Variants in LRCH3 observed in about 807,000 individuals in gnomAD.
The protein encoded by LRCH3 is DISP complex protein LRCH3.
Under a neutral mutation model 104.5 loss-of-function variants are expected in LRCH3, and 68 were observed. That is an observed-to-expected ratio of 0.65 (90% CI 0.54 to 0.80). The LOEUF (loss-of-function observed/expected upper bound fraction) is 0.80. LRCH3 is among the 30% of genes least tolerant of loss of function. The pLI is 0.00. For synonymous variants in LRCH3, 344 were observed against 361.3 expected, an observed-to-expected ratio of 0.95 and a Z score of 0.54; for missense variants, 951 against 953.9, an observed-to-expected ratio of 1.00 and a Z score of 0.04.
Position 197,883,419 on chromosome 3 carries a change from C to CTAA in LRCH3, c.2209-120_2209-118dup. The stretch of plus-strand genomic sequence containing the variant: ...TACACTGAGGTCAGTTTCCCAGGTA[C>CTAA]TAATTTTCATATCTAAGTTGATGAT... On this transcript the variant is annotated intron_variant, in intron 20 of 20. Transcript: ENST00000425562. The surrounding 1 kb of genome is among the most constrained non-coding windows in gnomAD (Gnocchi z 4.2). 7.1e-7 allele frequency: 1 copy of CTAA among 1,404,446 alleles called. No homozygotes were observed. The highest frequency in any genetic ancestry group is 9.3e-7 in the Non-Finnish European group (1 of 1,070,848). 87.0% of individuals were successfully genotyped at this position (1,404,446 alleles called of 1,614,324 possible).
Position 197,791,345 on chromosome 3 carries a change from G to A in LRCH3, c.67G>A (p.Gly23Ser), listed in dbSNP as rs746914318. The change falls in exon 1 of 21, where the codon GGT becomes AGT. Residue 23 changes from glycine to serine, a missense_variant. Coordinates refer to ENST00000425562, the MANE Select transcript of LRCH3 (RefSeq NM_001365715.1). ...AEYSGTVASG[G>S]NLPGVHCGPS... ...GTACTCTGGCACGGTAGCGTCGGGAGGTAACCTCCCTGGTGTTCACTGCGG... is the reference window on the plus strand; with the variant it reads ...GTACTCTGGCACGGTAGCGTCGGGAAGTAACCTCCCTGGTGTTCACTGCGG... 20 of 1,608,068 alleles carry A rather than the reference G, an allele frequency of 1.2e-5. No individual in the cohort carries two copies. The East Asian group carries it at 3.8e-4, about 31-fold the overall frequency.
chr3:197,850,486 C>A, intron 12 of LRCH3: 2 of 1,591,050 alleles, frequency 1.3e-6, no homozygotes, highest in Non-Finnish European at 1.7e-6. Context: ...GGTTTAGGAA[C>A]AATCTGTTCC....
intron 10 of LRCH3, 81 bp downstream of exon 10, chr3:197,839,478 T>C: frequency 1.3e-6 from 1 of 789,710 alleles, no homozygotes. Context: ...TGCAGATCTG[T>C]GTGTAATAAA....
At position 197,842,977 on chromosome 3, in the gene LRCH3, T is replaced by G. The variant is rs552400428; in HGVS notation, c.1328+3580T>G. Among the ~76,000 whole-genome samples the G allele has an allele frequency of 2.0e-5, 3 of 151,544 alleles. No homozygotes were observed. In the South Asian group the frequency reaches 6.3e-4, roughly 32 times the overall value. ...GCTTGCACCTATAGTCCTAGCTACT[T>G]GGGAGGCTGCGGCAGGAGAATCGCT... is the stretch of plus-strand genomic sequence containing the variant. On this transcript the variant is annotated intron_variant, in intron 10 of 20. Coordinates refer to ENST00000425562, the MANE Select transcript of LRCH3 (RefSeq NM_001365715.1).
At chr3:197,855,820 A>C (rs1423926580) in intron 14 of LRCH3, among the ~76,000 whole-genome samples, 1 of 152,240 alleles carries the variant, frequency 6.6e-6, no homozygotes, top group Non-Finnish European at 1.5e-5. Flanking sequence ...CTGATCCTCC[A>C]AATTAGACGG....
At chr3:197,832,157 C>T in intron 7 of LRCH3, 40 bp from the exon 8 acceptor site, 4 of 1,589,552 alleles carry the variant, frequency 2.5e-6, no homozygotes, top group Non-Finnish European at 3.4e-6. Context: ...CTGCCAGGCT[C>T]TAAAATGATT....
rs923752800 is a variant in LRCH3 at position 197,871,188 on chromosome 3, A to G, written c.1993-137A>G. 5.9e-6 allele frequency: 4 copies of G among 675,588 alleles called. No individual in the cohort carries two copies. In the African/African-American group the frequency reaches 7.2e-5, roughly 12 times the overall value. 41.8% of individuals were successfully genotyped at this position (675,588 alleles called of 1,614,324 possible). ...TAGATCTCCTTAAGTTAAACTTAGG[A>G]TAGAGGGATAAAATGGATATTGTGG... On this transcript the variant is annotated intron_variant, in intron 18 of 20. Coordinates refer to ENST00000425562, the MANE Select transcript of LRCH3 (RefSeq NM_001365715.1).
At chr3:197,838,033 C>G (rs1024703856) in intron 9 of LRCH3, among the ~76,000 whole-genome samples, 4 of 151,710 alleles carry the variant, frequency 2.6e-5, no homozygotes, top group African/African-American at 7.3e-5. Flanking sequence ...GCACTCCAGC[C>G]TAGGTGACAG....
At chr3:197,851,491 T>C (rs1343881955) in intron 12 of LRCH3, among the ~76,000 whole-genome samples, 1 of 152,194 alleles carries the variant, frequency 6.6e-6, no homozygotes, top group Non-Finnish European at 1.5e-5. Flanking sequence ...CCAGATGGTT[T>C]CTAAAGGTCC....
intron 1 of LRCH3, among the ~76,000 whole-genome samples, chr3:197,792,600 T>TATATAAAA (rs1730708507): frequency 1.3e-5 from 1 of 79,486 alleles, no homozygotes; most frequent in Non-Finnish European, 2.5e-5. Context: ...TATATATATA[T>TATATAAAA]ATATAAAATA....
intron 4 of LRCH3, among the ~76,000 whole-genome samples, chr3:197,823,723 A>G (rs1429889961): frequency 2.6e-5 from 4 of 151,938 alleles, no homozygotes; most frequent in East Asian, 3.9e-4. Flanking sequence ...GACTCAAGCA[A>G]TCCACCCACC....
rs933968438 is a variant in LRCH3 at position 197,887,055 on chromosome 3, G to A, written c.*3389G>A. 2.6e-5 allele frequency: 4 copies of A among 152,058 alleles called. No individual in the cohort carries two copies. The highest frequency in any genetic ancestry group is 9.7e-5 in the African/African-American group (4 of 41,392). 9.4% of individuals were successfully genotyped at this position (152,058 alleles called of 1,614,324 possible). A position where few individuals can be genotyped will look rare whatever the true frequency, so the allele number is the denominator to read the frequency against. Reference sequence around the variant, plus strand: ...TGTGCAGTTTTGGCTGATAATTGAAGGAAAAATATCAAATGCTTTGAATTT... The same window carrying A: ...TGTGCAGTTTTGGCTGATAATTGAAAGAAAAATATCAAATGCTTTGAATTT... On this transcript the variant is annotated 3_prime_UTR_variant, in exon 21 of 21. Coordinates refer to ENST00000425562, the MANE Select transcript of LRCH3 (RefSeq NM_001365715.1).
At chr3:197,837,921 G>A (rs1381302424) in intron 9 of LRCH3, among the ~76,000 whole-genome samples, 2 of 151,926 alleles carry the variant, frequency 1.3e-5, no homozygotes, top group Non-Finnish European at 1.5e-5. Context: ...TTAGCTGGGT[G>A]TCATGGCAGG....
intron 20 of LRCH3, chr3:197,880,851 CCTTT>C (rs1486802097): frequency 6.9e-7 from 1 of 1,455,236 alleles, no homozygotes; most frequent in Non-Finnish European, 9.0e-7. Flanking sequence ...GGAGGTAAAT[CCTTT>C]CTTTATATTT....
Position 197,865,434 on chromosome 3 carries a change from A to G in LRCH3, c.1728A>G (p.Arg576=), listed in dbSNP as rs1400995278. The change falls in exon 16 of 21, where the codon AGA becomes AGG. Residue 576 remains arginine, a synonymous_variant. Coordinates refer to ENST00000425562, the MANE Select transcript of LRCH3 (RefSeq NM_001365715.1). Reference sequence around the variant, plus strand: ...CTGTTTCTCCACAGAGTGATGACAGACCTAATGCTCTATTAAGTTCACCTG... The same window carrying G: ...CTGTTTCTCCACAGAGTGATGACAGGCCTAATGCTCTATTAAGTTCACCTG... The part of the protein sequence containing the change: ...SAFTPLKSDD[R]PNALLSSPAT... The G allele has an allele frequency of 8.9e-6, 14 of 1,572,644 alleles. No homozygotes were observed. The highest frequency in any genetic ancestry group is 2.8e-5 in the African/African-American group (2 of 72,258).
At position 197,880,761 on chromosome 3, in the gene LRCH3, AAGG is replaced by A. The variant is rs1359358249; in HGVS notation, c.2209-2776_2209-2774del. ...TTCTGCCTCATTCCTGTGCTTGGTA[AAGG>A]AGGTTTGTTTCTCATCCAGAATTAT... On this transcript the variant is annotated intron_variant, in intron 20 of 20. Coordinates refer to ENST00000425562, the MANE Select transcript of LRCH3 (RefSeq NM_001365715.1). 4 of 1,534,484 alleles carry A rather than the reference AAGG, an allele frequency of 2.6e-6. No individual in the cohort carries two copies. In the South Asian group the frequency reaches 4.8e-5, roughly 18 times the overall value.
chr3:197,796,776 T>A (rs1731252378), intron 1 of LRCH3, among the ~76,000 whole-genome samples: 1 of 152,238 alleles, frequency 6.6e-6, no homozygotes, highest in Admixed American at 6.5e-5. Flanking sequence ...CAATTTCTGA[T>A]ACATTTGACC....
At chr3:197,805,214 C>A (rs1233521750) in intron 1 of LRCH3, among the ~76,000 whole-genome samples, 2 of 152,076 alleles carry the variant, frequency 1.3e-5, no homozygotes, top group Non-Finnish European at 2.9e-5. Context: ...TTTTTCAAGT[C>A]ATTCAGAATA....
chr3:197,883,877 T>C lies in LRCH3; in HGVS notation c.*211T>C. On this transcript the variant is annotated 3_prime_UTR_variant, in exon 21 of 21. Coordinates refer to ENST00000425562, the MANE Select transcript of LRCH3 (RefSeq NM_001365715.1). The surrounding 1 kb of genome is among the most constrained non-coding windows in gnomAD (Gnocchi z 4.2). ...AATTTTTTTACGAAGACACCATTGG[T>C]TTTCTCAGATGAAACTTCTCTTACT... is the stretch of plus-strand genomic sequence containing the variant. The C allele has an allele frequency of 2.0e-6, 1 of 490,314 alleles. No individual in the cohort carries two copies. 30.4% of individuals were successfully genotyped at this position (490,314 alleles called of 1,614,324 possible).
Sources: gnomAD v4.1 joint callset for allele counts (sites outside exome capture counted in the v4.1 genomes callset) on GRCh38, gnomAD v4.1.1 for gene constraint, Gnocchi (gnomAD v3.1) non-coding constraint, MANE v1.5 for transcripts, NCBI Gene and HGNC (gene_info 2026-07-23, HGNC 2026-07-21) for gene names.